MCU: variants seen among roughly 807,000 people sequenced by gnomAD.
The protein encoded by MCU is mitochondrial calcium uniporter, also known as calcium uniporter protein, mitochondrial.
MCU carries 12 observed loss-of-function variants against 45.2 expected under a neutral mutation model. That is an observed-to-expected ratio of 0.27 (90% confidence interval 0.17 to 0.43). The LOEUF is 0.43. MCU is among the 20% of genes least tolerant of loss of function. MCU has a pLI of 1.00. For missense variants in MCU, 324 were observed against 436.7 expected (o/e 0.74, Z 2.30); for synonymous variants, 160 against 165.1 (o/e 0.97, Z 0.24).
At chr10:72,832,566 C>A (rs7904161) in intron 1 of MCU, among the ~76,000 whole-genome samples, 2,422 of 152,238 alleles carry the variant, frequency 0.016, 55 homozygotes, top group African/African-American at 0.054. Flanking sequence ...CTCAGAAATA[C>A]AAACAGAGAC....
At position 72,816,261 on chromosome 10, in the gene MCU, AT is replaced by A. The variant is rs1274443786; in HGVS notation, c.151-18090del. On this transcript the variant is annotated intron_variant, in intron 1 of 7. Coordinates refer to ENST00000373053, the MANE Select transcript of MCU (RefSeq NM_138357.3). ...ATTAACAAGTCTAGTTTTACATCAG[AT>A]TTTTTTTCTTCAGCTATTTCAGTGA... is the stretch of plus-strand genomic sequence containing the variant. 3.9e-5 allele frequency among the ~76,000 whole-genome samples: 6 copies of A among 152,048 alleles called. 1 individual carries two copies. The highest frequency in any genetic ancestry group is 8.8e-5 in the Non-Finnish European group (6 of 68,000).
At chr10:72,693,067 G>T (rs1480730614) in intron 1 of MCU, 14 of 1,536,172 alleles carry the variant, frequency 9.1e-6, no homozygotes, top group South Asian at 1.2e-5. Context: ...AGCGAATATG[G>T]TAAGTTGTTG....
intron 1 of MCU, among the ~76,000 whole-genome samples, chr10:72,773,522 G>C (rs1050016739): frequency 6.6e-6 from 1 of 152,106 alleles, no homozygotes; most frequent in Non-Finnish European, 1.5e-5. Flanking sequence ...AAGACTTACT[G>C]GTGTTCAAGA....
At chr10:72,871,115 G>C (rs1415707174) in intron 5 of MCU, among the ~76,000 whole-genome samples, 1 of 151,966 alleles carries the variant, frequency 6.6e-6, no homozygotes, top group African/African-American at 2.4e-5. Flanking sequence ...GCCCAGGCTG[G>C]TCTTGAACTC....
intron 1 of MCU, among the ~76,000 whole-genome samples, chr10:72,803,313 C>T (rs553231490): frequency 2.6e-5 from 4 of 151,386 alleles, no homozygotes; most frequent in African/African-American, 9.7e-5. Flanking sequence ...TCATTTTCCC[C>T]CATCTTCTGC....
Position 72,834,391 on chromosome 10 carries a change from G to C in MCU, c.183G>C (p.Leu61Phe). The change falls in exon 2 of 8, where the codon TTG (leucine) becomes TTC (phenylalanine). Residue 61 changes from leucine to phenylalanine, a missense_variant. Around this residue, in one of 4 missense-constraint regions of MCU, gnomAD observed 111 missense variants for 112.3 expected, o/e 0.99. Transcript: ENST00000373053. ...VHQRIASWQN[L>F]GAVYCSTVVP... is the part of the protein sequence containing the mutation. The stretch of plus-strand genomic sequence containing the variant: ...AGAGGATCGCTTCCTGGCAGAATTT[G>C]GGAGCTGTTTATTGCAGCACTGTTG... 1.9e-6 allele frequency: 3 copies of C among 1,613,854 alleles called. No homozygotes were observed. Among genetic ancestry groups the C allele is most frequent in the Non-Finnish European group, 2.5e-6 (3 of 1,179,826 alleles).
chr10:72,715,283 G>T, intron 1 of MCU: 1 of 492,492 alleles, frequency 2.0e-6, no homozygotes, highest in East Asian at 1.5e-4. Context: ...AAGCCATGTA[G>T]AGGAGCTTCT....
At chr10:72,795,976 C>T (rs1033995868) in intron 1 of MCU, among the ~76,000 whole-genome samples, 5 of 151,682 alleles carry the variant, frequency 3.3e-5, no homozygotes, top group East Asian at 1.9e-4. Flanking sequence ...CCAGCCTGCG[C>T]GACAGAGCAA....
At chr10:72,696,464 A>T (rs992550913) in intron 1 of MCU, among the ~76,000 whole-genome samples, 2 of 152,166 alleles carry the variant, frequency 1.3e-5, no homozygotes, top group Non-Finnish European at 2.9e-5. Context: ...CTAAATGTGT[A>T]GAGAAAAAAA....
chr10:72,789,589 A>G (rs1844126922), intron 1 of MCU, among the ~76,000 whole-genome samples: 1 of 152,144 alleles, frequency 6.6e-6, no homozygotes, highest in African/African-American at 2.4e-5. Context: ...TACTACATCC[A>G]GATAAAAAAG....
In MCU at chr10:72,886,340, C is replaced by T. The variant is rs147056329; in HGVS notation, c.*518C>T. ...AGTTACCAGGAATCTTTCCTTCCAG[C>T]ATCCCTTTACTGACCACCTACCTGT... On this transcript the variant is annotated 3_prime_UTR_variant, in exon 8 of 8. Transcript: ENST00000373053. 16 of 153,284 alleles carry T rather than the reference C, an allele frequency of 1.0e-4. No individual in the cohort carries two copies. The highest frequency in any genetic ancestry group is 3.9e-4 in the Admixed American group (6 of 15,346). The allele number at this position is 153,284 out of a possible 1,614,324, so 9.5% of individuals were successfully genotyped here.
intron 1 of MCU, among the ~76,000 whole-genome samples, chr10:72,799,657 AGAGTTCAC>A (rs1352268001): frequency 6.6e-6 from 1 of 152,124 alleles, no homozygotes; most frequent in Non-Finnish European, 1.5e-5. Flanking sequence ...TTTGGGGCTA[AGAGTTCAC>A]ATTAGATACT....
At chr10:72,734,964 A>T (rs1843232421) in intron 1 of MCU, among the ~76,000 whole-genome samples, 1 of 151,798 alleles carries the variant, frequency 6.6e-6, no homozygotes. Context: ...CCGTAGTCCC[A>T]GCTACTAGGG....
At chr10:72,742,603 A>G (rs1374900825) in intron 1 of MCU, among the ~76,000 whole-genome samples, 3 of 152,180 alleles carry the variant, frequency 2.0e-5, no homozygotes, top group African/African-American at 4.8e-5. Flanking sequence ...TGAGAATCCT[A>G]TCAGTAGGAT....
At chr10:72,741,661 G>C (rs1008383379) in intron 1 of MCU, among the ~76,000 whole-genome samples, 2 of 152,186 alleles carry the variant, frequency 1.3e-5, no homozygotes, top group Non-Finnish European at 2.9e-5. Flanking sequence ...ATGATGGCTT[G>C]TAGGTTATGT....
At chr10:72,754,091 G>A (rs1257637335) in intron 1 of MCU, among the ~76,000 whole-genome samples, 3 of 152,148 alleles carry the variant, frequency 2.0e-5, no homozygotes, top group Non-Finnish European at 4.4e-5. Flanking sequence ...TTTGAATTAG[G>A]AAAGTTACCC....
intron 1 of MCU, among the ~76,000 whole-genome samples, chr10:72,709,487 T>C (rs1289987720): frequency 6.6e-6 from 1 of 152,218 alleles, no homozygotes; most frequent in Non-Finnish European, 1.5e-5. Context: ...ATGTCTTTCT[T>C]GATCTGTTAG....
intron 1 of MCU, among the ~76,000 whole-genome samples, chr10:72,718,389 T>C (rs1235524622): frequency 6.6e-6 from 1 of 152,238 alleles, no homozygotes; most frequent in African/African-American, 2.4e-5. Context: ...AAGTATCATA[T>C]GCTAAATTGC....
At chr10:72,813,123 G>A (rs1176104371) in intron 1 of MCU, among the ~76,000 whole-genome samples, 2 of 152,082 alleles carry the variant, frequency 1.3e-5, no homozygotes, top group Admixed American at 6.6e-5. Flanking sequence ...GCAAGAGTTC[G>A]TTCAAACAGA....
Sources: gnomAD v4.1 joint callset for allele counts (sites outside exome capture counted in the v4.1 genomes callset) on GRCh38, gnomAD v4.1.1 for gene constraint, gnomAD v4.1.1 regional missense constraint, MANE v1.5 for transcripts, NCBI Gene and HGNC (gene_info 2026-07-23, HGNC 2026-07-21) for gene names.